Variants in APBA1 observed in about 807,000 individuals in gnomAD.
APBA1 encodes the protein amyloid beta precursor protein binding family A member 1, also known as amyloid-beta A4 precursor protein-binding family A member 1.
A neutral mutation model predicts 86.6 loss-of-function variants in APBA1; 55 were observed. The ratio of observed to expected loss-of-function variants is 0.64; its 90% CI spans 0.51 to 0.80. The LOEUF is 0.80. Among genes scored for constraint, APBA1 ranks in the 30% least tolerant of loss-of-function variants. The pLI is 0.00. For synonymous variants in APBA1, 511 were observed against 493.9 expected (o/e 1.03, Z -0.46); for missense variants, 1,090 against 1,183.0 (o/e 0.92, Z 1.15).
chr9:69,443,729 G>T (rs572797936), intron 10 of APBA1, among the ~76,000 whole-genome samples: 2 of 152,258 alleles, frequency 1.3e-5, no homozygotes, highest in East Asian at 3.9e-4. Flanking sequence ...GATTTTAAAT[G>T]ACTCACTCAC....
chr9:69,460,687 G>A (rs1447861483), intron 5 of APBA1: 2 of 151,514 alleles, frequency 1.3e-5, no homozygotes, highest in Non-Finnish European at 2.9e-5. Context: ...CTGGTGTTGA[G>A]GAAGAGGATC....
chr9:69,471,678 A>C lies in APBA1; in HGVS notation c.1314T>G (p.Ala438=). 1 of 1,613,686 alleles carries C rather than the reference A, an allele frequency of 6.2e-7. No homozygotes were observed. The highest frequency in any genetic ancestry group is 8.5e-7 in the Non-Finnish European group (1 of 1,179,876). The change falls in exon 4 of 13, where the codon GCT becomes GCG. Residue 438 remains alanine (A), a synonymous_variant. Coordinates refer to ENST00000265381, the MANE Select transcript of APBA1 (RefSeq NM_001163.4). ...STNKESRKSL[A]SFPTYVEVPG... ...TACCTTCAACGTAGGTTGGGAATGA[A>C]GCCAAGCTTTTTCTTGACTGTAATA...
intron 1 of APBA1, among the ~76,000 whole-genome samples, chr9:69,638,326 C>T (rs1039397610): frequency 6.6e-6 from 1 of 152,302 alleles, no homozygotes; most frequent in Non-Finnish European, 1.5e-5. Context: ...CCGCAACATC[C>T]GCCTCCTGGG....
chr9:69,558,118 T>C (rs1293431671), intron 1 of APBA1, among the ~76,000 whole-genome samples: 2 of 152,216 alleles, frequency 1.3e-5, no homozygotes, highest in African/African-American at 2.4e-5. Flanking sequence ...TGATGAATTA[T>C]TCCTTAAAAT....
chr9:69,531,703 A>G (rs546121275), intron 1 of APBA1, among the ~76,000 whole-genome samples: 25 of 152,326 alleles, frequency 1.6e-4, no homozygotes, highest in African/African-American at 6.0e-4. Flanking sequence ...TAGACAGGCA[A>G]TGAGGCTCAG....
chr9:69,443,689 A>G (rs1834861683), intron 10 of APBA1, among the ~76,000 whole-genome samples: 1 of 152,218 alleles, frequency 6.6e-6, no homozygotes, highest in Non-Finnish European at 1.5e-5. Flanking sequence ...AATTATTTCT[A>G]TATTATAGAA....
chr9:69,502,642 T>C (rs1419167301), intron 2 of APBA1, among the ~76,000 whole-genome samples: 1 of 152,124 alleles, frequency 6.6e-6, no homozygotes, highest in Non-Finnish European at 1.5e-5. Flanking sequence ...GACACTTTAC[T>C]GTGGATTCTA....
chr9:69,534,061 C>A (rs907893757), intron 1 of APBA1, among the ~76,000 whole-genome samples: 4 of 152,198 alleles, frequency 2.6e-5, no homozygotes, highest in African/African-American at 9.6e-5. Context: ...AAAATAATGT[C>A]AAAGCAAGGG....
intron 1 of APBA1, among the ~76,000 whole-genome samples, chr9:69,626,321 GTTGTTTGT>G (rs141774539): frequency 6.6e-5 from 10 of 150,994 alleles, no homozygotes; most frequent in African/African-American, 1.2e-4. Flanking sequence ...TGTTGTTATT[GTTGTTTGT>G]TTGTTTGTTT....
At chr9:69,528,233 T>C (rs1836372782) in intron 1 of APBA1, among the ~76,000 whole-genome samples, 1 of 152,144 alleles carries the variant, frequency 6.6e-6, no homozygotes. Context: ...TGTATAATTT[T>C]TGCTAACACT....
chr9:69,661,393 G>A (rs548708402), intron 1 of APBA1, among the ~76,000 whole-genome samples: 3 of 152,210 alleles, frequency 2.0e-5, no homozygotes, highest in South Asian at 4.2e-4. Flanking sequence ...TGACCCCAGC[G>A]GCCCTGTGCA....
chr9:69,446,425 TTCA>T (rs1360029670), intron 10 of APBA1, among the ~76,000 whole-genome samples: 1 of 152,254 alleles, frequency 6.6e-6, no homozygotes, highest in Non-Finnish European at 1.5e-5. Context: ...ACTCTTCATC[TTCA>T]TCAGTTACAT....
At chr9:69,528,028 G>T (rs1261507398) in intron 1 of APBA1, among the ~76,000 whole-genome samples, 1 of 152,062 alleles carries the variant, frequency 6.6e-6, no homozygotes, top group East Asian at 1.9e-4. Flanking sequence ...TTATTAAAAA[G>T]ACTCTGGCAT....
At chr9:69,596,421 A>G (rs1564087421) in intron 1 of APBA1, among the ~76,000 whole-genome samples, 1 of 152,194 alleles carries the variant, frequency 6.6e-6, no homozygotes, top group Admixed American at 6.5e-5. Flanking sequence ...AGATTTAGCT[A>G]CAAGTAACCA....
At chr9:69,489,340 C>G (rs993862194) in intron 2 of APBA1, among the ~76,000 whole-genome samples, 1 of 152,100 alleles carries the variant, frequency 6.6e-6, no homozygotes, top group Non-Finnish European at 1.5e-5. Context: ...CTACAACCAT[C>G]TGATCTTTGA....
At chr9:69,595,228 C>G (rs1264744953) in intron 1 of APBA1, among the ~76,000 whole-genome samples, 1 of 152,068 alleles carries the variant, frequency 6.6e-6, no homozygotes. Flanking sequence ...ATGCTAAACA[C>G]CAAGCAGTCA....
rs1208726357 is a variant in APBA1, at chr9:69,429,683, G to C, written c.*1644C>G. 6.6e-6 allele frequency: 1 copy of C among 151,950 alleles called. No homozygotes were observed. The highest frequency in any genetic ancestry group is 1.5e-5 in the Non-Finnish European group (1 of 68,014). 9.4% of individuals were successfully genotyped at this position (151,950 alleles called of 1,614,324 possible). A position where few individuals can be genotyped will look rare whatever the true frequency, so the allele number is the denominator to read the frequency against. ...GTCTCTTGTCCCTAATCTTGTTATA[G>C]TCACTTTGCTCCCTCCTTAGAATCC... On this transcript the variant is annotated 3_prime_UTR_variant, in exon 13 of 13. Coordinates refer to ENST00000265381, the MANE Select transcript of APBA1 (RefSeq NM_001163.4).
intron 1 of APBA1, among the ~76,000 whole-genome samples, chr9:69,653,459 G>A (rs557556037): frequency 1.1e-4 from 17 of 152,236 alleles, no homozygotes; most frequent in African/African-American, 4.1e-4. Flanking sequence ...AGGCCAAATG[G>A]ACCTAACAAA....
At chr9:69,468,301 T>C (rs1451234189) in intron 4 of APBA1, among the ~76,000 whole-genome samples, 3 of 152,234 alleles carry the variant, frequency 2.0e-5, no homozygotes, top group Admixed American at 6.5e-5. Context: ...CCATGTGACA[T>C]TCACCTCTGA....
Sources: allele counts gnomAD v4.1 joint callset (sites outside exome capture counted in the v4.1 genomes callset), GRCh38; gene constraint gnomAD v4.1.1; transcripts MANE v1.5; gene names NCBI Gene and HGNC (gene_info 2026-07-23, HGNC 2026-07-21).